The following CELF2 variants were observed in gnomAD, a reference collection of about 807,000 sequenced individuals.
CELF2 encodes the protein CUG triplet repeat RNA-binding protein 2.
A neutral mutation model predicts 62.6 loss-of-function variants in CELF2; 8 were observed. That is an observed-to-expected ratio of 0.13 (90% CI 0.07 to 0.23). CELF2 has a LOEUF of 0.23. CELF2 is among the 10% of genes least tolerant of loss of function. The pLI, the probability that CELF2 is intolerant of heterozygous loss-of-function variation, is 1.00. For synonymous variants in CELF2, 258 were observed against 250.0 expected, an observed-to-expected ratio of 1.03 and a Z score of -0.30; for missense variants, 333 against 671.0, an observed-to-expected ratio of 0.50 and a Z score of 5.56.
the CELF2 span, among the ~76,000 whole-genome samples, chr10:10,614,223 T>G: frequency 6.6e-6 from 1 of 152,018 alleles, no homozygotes; most frequent in African/African-American, 2.4e-5. Context: ...CCTCCCCCAT[T>G]TTCCCTTTGG....
At chr10:11,320,889 G>C in intron 10 of CELF2, 1 of 1,543,268 alleles carries the variant, frequency 6.5e-7, no homozygotes, top group South Asian at 1.2e-5. Context: ...ACTTCCAAAA[G>C]ATAACAACGG....
the CELF2 span, among the ~76,000 whole-genome samples, chr10:10,476,077 A>T: frequency 6.6e-6 from 1 of 152,138 alleles, no homozygotes; most frequent in Admixed American, 6.6e-5. Context: ...GTTGGTTAGC[A>T]TGGCTTAGTT....
the CELF2 span, among the ~76,000 whole-genome samples, chr10:10,487,301 G>A: frequency 6.6e-6 from 1 of 152,328 alleles, no homozygotes; most frequent in Non-Finnish European, 1.5e-5. Flanking sequence ...GGCCACGTCA[G>A]AGGTCAGAGC....
intron 1 of CELF2, among the ~76,000 whole-genome samples, chr10:10,906,200 A>G (rs1183066845): frequency 1.3e-5 from 2 of 152,240 alleles, no homozygotes; most frequent in Non-Finnish European, 2.9e-5. Flanking sequence ...CTAATTCAAC[A>G]GGATACGTGG....
intron 1 of CELF2, among the ~76,000 whole-genome samples, chr10:11,121,459 CCTT>C (rs2057724689): frequency 6.6e-6 from 1 of 152,116 alleles, no homozygotes; most frequent in South Asian, 2.1e-4. Context: ...GCTGTCCCTC[CCTT>C]CTTTCTTCTT....
chr10:11,270,948 A>T lies in CELF2; in HGVS notation c.777+124A>T. 1 of 923,758 alleles carries T rather than the reference A, an allele frequency of 1.1e-6. No individual in the cohort carries two copies. Among genetic ancestry groups the T allele is most frequent in the Non-Finnish European group, 1.5e-6 (1 of 678,694 alleles). The allele number at this position is 923,758 out of a possible 1,614,324, so 57.2% of individuals were successfully genotyped here. A position where few individuals can be genotyped will look rare whatever the true frequency, so the allele number is the denominator to read the frequency against. ...TCAATCTCGGGGAATTATTGAAATC[A>T]GCATTTATGCAGGATATTTTTCCAA... On this transcript the variant is annotated intron_variant, in intron 7 of 12. Coordinates refer to ENST00000633077, the MANE Select transcript of CELF2 (RefSeq NM_001326342.2). The surrounding 1 kb of genome is among the most constrained non-coding windows in gnomAD (Gnocchi z 5.8).
the CELF2 span, among the ~76,000 whole-genome samples, chr10:10,718,267 A>C: frequency 6.6e-6 from 1 of 152,080 alleles, no homozygotes. Flanking sequence ...TGAACCAAAA[A>C]CGCTTCCATT....
intron 1 of CELF2, among the ~76,000 whole-genome samples, chr10:11,146,893 G>C (rs922072423): frequency 6.6e-6 from 1 of 152,224 alleles, no homozygotes; most frequent in African/African-American, 2.4e-5. Context: ...CAGCCAGCCT[G>C]TAGCCTTGGT....
intron 1 of CELF2, among the ~76,000 whole-genome samples, chr10:10,814,214 TAAA>T (rs759524110): frequency 0.021 from 921 of 44,386 alleles, 18 homozygotes; most frequent in African/African-American, 0.079. Flanking sequence ...AGAAGAGTCC[TAAA>T]AAAAAAAAAA....
chr10:10,699,087 C>G, the CELF2 span, among the ~76,000 whole-genome samples: 5 of 151,954 alleles, frequency 3.3e-5, no homozygotes, highest in Non-Finnish European at 7.4e-5. Context: ...TGAATTTCCT[C>G]ACAATAAAAT....
chr10:10,932,009 C>T (rs916016240), intron 2 of CELF2, among the ~76,000 whole-genome samples: 3 of 152,086 alleles, frequency 2.0e-5, no homozygotes, highest in African/African-American at 7.2e-5. Context: ...AAAGACCTGC[C>T]CCCATGATTC....
chr10:11,214,643 T>C lies in CELF2; in HGVS notation c.272-2782T>C, dbSNP rs2062816598. Among the ~76,000 whole-genome samples, 1 of 152,202 alleles carries C rather than the reference T, an allele frequency of 6.6e-6. No homozygotes were observed. The highest frequency in any genetic ancestry group is 1.5e-5 in the Non-Finnish European group (1 of 68,034). On this transcript the variant is annotated intron_variant, in intron 2 of 12. Coordinates refer to ENST00000633077, the MANE Select transcript of CELF2 (RefSeq NM_001326342.2). The surrounding 1 kb of genome is among the most constrained non-coding windows in gnomAD (Gnocchi z 4.2). Reference sequence around the variant, plus strand: ...GTGGAGCTGTGCTGGGGCTCAGCTCTTGGGTCGGACAGATGAACGGTAAGG... The same window carrying C: ...GTGGAGCTGTGCTGGGGCTCAGCTCCTGGGTCGGACAGATGAACGGTAAGG...
At chr10:10,603,492 C>A in the CELF2 span, among the ~76,000 whole-genome samples, 1 of 152,178 alleles carries the variant, frequency 6.6e-6, no homozygotes, top group African/African-American at 2.4e-5. Context: ...TCTTGGGAAG[C>A]ATTGCAATCT....
At chr10:11,005,258 GAGAGAGAGAGAGA>G, upstream of CELF2, 1 of 796,534 alleles carries the variant, frequency 1.3e-6, no homozygotes, top group African/African-American at 3.1e-5. The surrounding 1 kb of genome is among the most constrained non-coding windows in gnomAD (Gnocchi z 4.3). Context: ...GAGAGAGGGA[GAGAGAGAGAGAGA>G]GAGAGAGAGA....
chr10:11,064,217 G>C (rs1265277978), intron 1 of CELF2, among the ~76,000 whole-genome samples: 1 of 152,116 alleles, frequency 6.6e-6, no homozygotes, highest in Non-Finnish European at 1.5e-5. Flanking sequence ...TCTTAGATCT[G>C]GGCTAGGTTT....
the CELF2 span, among the ~76,000 whole-genome samples, chr10:10,558,225 T>C: frequency 6.6e-6 from 1 of 152,218 alleles, no homozygotes; most frequent in Admixed American, 6.5e-5. Flanking sequence ...ACCTAATTTA[T>C]TGAGAGTTTT....
At chr10:10,752,801 G>GT in the CELF2 span, among the ~76,000 whole-genome samples, 1 of 43,194 alleles carries the variant, frequency 2.3e-5, no homozygotes, top group Admixed American at 3.9e-4. Flanking sequence ...AATACCGGTA[G>GT]TAAAAAAAAA....
chr10:10,564,643 C>CT, the CELF2 span, among the ~76,000 whole-genome samples: 1 of 5,820 alleles, frequency 1.7e-4, no homozygotes, highest in African/African-American at 4.6e-4. Context: ...TAACTGAATA[C>CT]ACACACACAC....
intron 9 of CELF2, among the ~76,000 whole-genome samples, chr10:11,304,901 A>T (rs1483272246): frequency 6.6e-6 from 1 of 152,216 alleles, no homozygotes; most frequent in African/African-American, 2.4e-5. Flanking sequence ...TGAACAGAGA[A>T]CATAATAGTA....
Sources: allele counts gnomAD v4.1 joint callset (sites outside exome capture counted in the v4.1 genomes callset), GRCh38; gene constraint gnomAD v4.1.1; non-coding constraint Gnocchi (gnomAD v3.1); transcripts MANE v1.5; gene names NCBI Gene and HGNC (gene_info 2026-07-23, HGNC 2026-07-21).